CCDC88C: variants seen among roughly 807,000 people sequenced by gnomAD.
CCDC88C encodes coiled-coil and HOOK domain protein 88C, also known as protein Daple.
Under a neutral mutation model 198.8 loss-of-function variants are expected in CCDC88C, and 131 were observed. That is an observed-to-expected ratio of 0.66 (90% CI 0.57 to 0.76). The LOEUF (loss-of-function observed/expected upper bound fraction) is 0.76, where lower values mean the gene tolerates loss of function less well. Ranked by LOEUF, CCDC88C falls within the 30% of genes least tolerant of loss-of-function variation. The pLI is 0.00. For missense variants in CCDC88C, 2,553 were observed against 2,631.6 expected (o/e 0.97, Z 0.65); for synonymous variants, 1,166 against 1,114.7 (o/e 1.05, Z -0.92).
intron 3 of CCDC88C, among the ~76,000 whole-genome samples, chr14:91,403,013 T>G (rs1886295839): frequency 6.6e-6 from 1 of 152,002 alleles, no homozygotes; most frequent in South Asian, 2.1e-4. Context: ...ACTCTAAATC[T>G]CCTCTAAATC....
chr14:91,358,230 C>T (rs1467949901), intron 4 of CCDC88C, among the ~76,000 whole-genome samples: 1 of 152,212 alleles, frequency 6.6e-6, no homozygotes, highest in African/African-American at 2.4e-5. Context: ...AGTCTCAAGG[C>T]CACTAGCTAC....
chr14:91,343,508 C>T, intron 5 of CCDC88C, 91 bp downstream of exon 5: 4 of 1,559,334 alleles, frequency 2.6e-6, no homozygotes, highest in Non-Finnish European at 2.6e-6. Flanking sequence ...GAGCATCCTC[C>T]CACCTAAGCT....
At position 91,321,079 on chromosome 14, in the gene CCDC88C, G is replaced by C. The variant is rs771204637; in HGVS notation, c.1527+41C>G. On this transcript the variant is annotated intron_variant, in intron 13 of 29. Coordinates refer to ENST00000389857, the MANE Select transcript of CCDC88C (RefSeq NM_001080414.4). ...CTGGGGAGGATGGGAGGGTGCCCAA[G>C]GGTTCTGTGCTTCCCCGGTGGCCTA... 3.9e-6 allele frequency: 6 copies of C among 1,550,710 alleles called. No homozygotes were observed. The African/African-American group carries it at 4.1e-5, about 11-fold the overall frequency.
chr14:91,379,632 C>T (rs1409312668), intron 3 of CCDC88C: 1 of 581,924 alleles, frequency 1.7e-6, no homozygotes, highest in East Asian at 2.9e-5. Flanking sequence ...GGGGTAGGAA[C>T]TCCGGCCTCA....
rs1891061154 is a variant in CCDC88C at position 91,297,484 on chromosome 14, A to G, written c.3787T>C (p.Phe1263Leu). Residue 1263 changes from phenylalanine to leucine, a missense_variant, in exon 22 of 30, where the codon TTC (phenylalanine) becomes CTC (leucine). Coordinates refer to ENST00000389857, the MANE Select transcript of CCDC88C (RefSeq NM_001080414.4). ...TCCCCCTTCAGCTGGTGGTGCAGGA[A>G]ATTGACCCTGGAGGAGGAAGAGTCA... The part of the protein sequence containing the change: ...RLRGELDRVN[F>L]LHHQLKGEYE... 4 of 1,555,640 alleles carry G rather than the reference A, an allele frequency of 2.6e-6. No homozygotes were observed. The highest frequency in any genetic ancestry group is 2.4e-5 in the South Asian group (2 of 84,384).
intron 28 of CCDC88C, 53 bp from the exon 29 acceptor site, chr14:91,278,264 G>C (rs1157159808): frequency 1.2e-5 from 18 of 1,520,326 alleles, no homozygotes; most frequent in Non-Finnish European, 1.5e-5. Flanking sequence ...GCAGCCCTCT[G>C]GTGGCTTCTA....
At chr14:91,309,225 T>A (rs997065143) in intron 16 of CCDC88C, among the ~76,000 whole-genome samples, 2 of 152,122 alleles carry the variant, frequency 1.3e-5, no homozygotes, top group African/African-American at 4.8e-5. Context: ...AGAGTGACAC[T>A]TCGTCTCAAA....
At chr14:91,286,138 G>T (rs1490869847) in intron 25 of CCDC88C, among the ~76,000 whole-genome samples, 1 of 152,102 alleles carries the variant, frequency 6.6e-6, no homozygotes, top group Non-Finnish European at 1.5e-5. Flanking sequence ...TGATTTTTCG[G>T]TTTCAGTGTG....
intron 19 of CCDC88C, 46 bp from the exon 20 acceptor site, chr14:91,304,024 C>T (rs769588922): frequency 1.8e-5 from 28 of 1,575,792 alleles, no homozygotes; most frequent in Middle Eastern, 1.7e-4. Flanking sequence ...CCACAGTCAG[C>T]GAGGAGGGCT....
intron 3 of CCDC88C, among the ~76,000 whole-genome samples, chr14:91,384,138 A>T (rs933169013): frequency 1.3e-5 from 2 of 152,160 alleles, no homozygotes; most frequent in African/African-American, 4.8e-5. Flanking sequence ...AAGATTATCC[A>T]AAAACTCTCA....
In CCDC88C at chr14:91,339,414, G is replaced by A. The variant is rs1426145221; in HGVS notation, c.673C>T (p.Pro225Ser). Residue 225 changes from proline (P) to serine (S), a missense_variant, in exon 8 of 30, where the codon CCA (proline) becomes TCA (serine). Physicochemically the swap from Pro to Ser is moderately conservative, Grantham distance 74. Coordinates refer to ENST00000389857, the MANE Select transcript of CCDC88C (RefSeq NM_001080414.4). The surrounding 1 kb of genome is among the most constrained non-coding windows in gnomAD (Gnocchi z 5.8). Reference protein sequence around the residue: ...QERDYLQAQHPPSPIKSSSAD... With the variant: ...QERDYLQAQHSPSPIKSSSAD... ...CTGGAGGACTTGATGGGGCTGGGTGGATGCTGTGCCTGCAGGTAGTCCCGT... is the reference window on the plus strand; with the variant it reads ...CTGGAGGACTTGATGGGGCTGGGTGAATGCTGTGCCTGCAGGTAGTCCCGT... 1.9e-6 allele frequency: 3 copies of A among 1,611,434 alleles called. No individual in the cohort carries two copies. Among genetic ancestry groups the A allele is most frequent in the Admixed American group, 3.3e-5 (2 of 59,906 alleles).
At chr14:91,327,346 G>A (rs894111110) in intron 10 of CCDC88C, among the ~76,000 whole-genome samples, 4 of 152,208 alleles carry the variant, frequency 2.6e-5, no homozygotes, top group South Asian at 2.1e-4. Flanking sequence ...CCTGGCAGGC[G>A]GTGAGGGGCT....
rs939951188 is a variant in CCDC88C, at chr14:91,381,075, C to T, written c.271-21364G>A. On this transcript the variant is annotated intron_variant, in intron 3 of 29. Coordinates refer to ENST00000389857, the MANE Select transcript of CCDC88C (RefSeq NM_001080414.4). This position sits in a 1 kb window ranked among gnomAD's most constrained non-coding sequence, Gnocchi z 4.2. ...CTGTGAAGCAGTGTGTGCCCTGGTC[C>T]ACCCTCTGTTTAACCCACTGAAAGC... Among the ~76,000 whole-genome samples, 2 of 152,092 alleles carry T rather than the reference C, an allele frequency of 1.3e-5. No homozygotes were observed. Among genetic ancestry groups the T allele is most frequent in the African/African-American group, 4.8e-5 (2 of 41,400 alleles).
Position 91,321,148 on chromosome 14 carries a change from T to C in CCDC88C, c.1499A>G (p.Glu500Gly), listed in dbSNP as rs1892338644. Reference sequence around the variant, plus strand: ...CTTGCTGAGCTGGTGGTTCTCCTTCTCCAGCTCCCCGCACTTGAGGCCGCT... The same window carrying C: ...CTTGCTGAGCTGGTGGTTCTCCTTCCCCAGCTCCCCGCACTTGAGGCCGCT... Reference protein sequence around the residue: ...EESGLKCGELEKENHQLSKKI... With the variant: ...EESGLKCGELGKENHQLSKKI... Residue 500 changes from glutamate (E) to glycine (G), a missense_variant, in exon 13 of 30, where the codon GAG (glutamate) becomes GGG (glycine). By Grantham distance (98) the Glu-to-Gly change is moderately conservative. This residue lies in a region of CCDC88C where 1,260 missense variants were observed against 1,412.0 expected (regional missense o/e 0.89). Coordinates refer to ENST00000389857, the MANE Select transcript of CCDC88C (RefSeq NM_001080414.4). 2 of 1,612,196 alleles carry C rather than the reference T, an allele frequency of 1.2e-6. No individual in the cohort carries two copies. The highest frequency in any genetic ancestry group is 1.7e-6 in the Non-Finnish European group (2 of 1,179,278).
At chr14:91,335,833 T>C (rs979074588) in intron 10 of CCDC88C, among the ~76,000 whole-genome samples, 1 of 152,204 alleles carries the variant, frequency 6.6e-6, no homozygotes, top group Non-Finnish European at 1.5e-5. Flanking sequence ...CTGTTGTAAC[T>C]ATTCCAATCT....
At chr14:91,312,916 C>T (rs1389557437) in intron 15 of CCDC88C, among the ~76,000 whole-genome samples, 164 bp downstream of exon 15, 1 of 152,172 alleles carries the variant, frequency 6.6e-6, no homozygotes, top group Non-Finnish European at 1.5e-5. Flanking sequence ...GATTGTAATA[C>T]GTGGTATTCA....
chr14:91,386,773 C>T (rs1396349469), intron 3 of CCDC88C, among the ~76,000 whole-genome samples: 9 of 152,234 alleles, frequency 5.9e-5, no homozygotes, highest in Non-Finnish European at 1.0e-4. Context: ...TTTCTCCTCA[C>T]GCCCAGCGCC....
chr14:91,322,540 C>T (rs984598750), intron 12 of CCDC88C, among the ~76,000 whole-genome samples: 12 of 152,228 alleles, frequency 7.9e-5, no homozygotes, highest in Admixed American at 7.9e-4. Context: ...ATGAAACTAA[C>T]CTAACTTCAA....
intron 10 of CCDC88C, among the ~76,000 whole-genome samples, chr14:91,336,105 G>A (rs971915272): frequency 1.3e-5 from 2 of 152,146 alleles, no homozygotes; most frequent in African/African-American, 4.8e-5. Flanking sequence ...AAATCTCATG[G>A]TAATTTTCCA....
Sources: gnomAD v4.1 joint callset for allele counts (sites outside exome capture counted in the v4.1 genomes callset) on GRCh38, gnomAD v4.1.1 for gene constraint, gnomAD v4.1.1 regional missense constraint, Gnocchi (gnomAD v3.1) non-coding constraint, MANE v1.5 for transcripts, NCBI Gene and HGNC (gene_info 2026-07-23, HGNC 2026-07-21) for gene names.